The following METTL8 variants were observed in gnomAD, a reference collection of about 807,000 sequenced individuals.
The protein encoded by METTL8 is methyltransferase 8, tRNA N3-cytidine.
A neutral mutation model predicts 48.7 loss-of-function variants in METTL8; 32 were observed. That is an observed-to-expected ratio of 0.66 (90% CI 0.50 to 0.88). The LOEUF (loss-of-function observed/expected upper bound fraction) is 0.88. METTL8 is among the 40% of genes least tolerant of loss of function. The pLI is 0.00. For missense variants in METTL8, 464 were observed against 474.4 expected, an observed-to-expected ratio of 0.98 and a Z score of 0.20; for synonymous variants, 136 against 157.1, an observed-to-expected ratio of 0.87 and a Z score of 1.01.
chr2:171,351,126 GAATT>G lies in METTL8; in HGVS notation c.235+9292_235+9295del, dbSNP rs200288635. Among the ~76,000 whole-genome samples the G allele has an allele frequency of 2.0e-5, 3 of 152,276 alleles. No homozygotes were observed. In the East Asian group the frequency reaches 5.8e-4, roughly 29 times the overall value. ...AACATTTAAGTCTTTAATCCATCTT[GAATT>G]AATTTTTGTATAAGGTATAAGGAAG... is the stretch of plus-strand genomic sequence containing the variant. On this transcript the variant is annotated intron_variant, in intron 3 of 9. Transcript: ENST00000375258.
At chr2:171,426,455 A>G (rs1380284712) in intron 1 of METTL8, among the ~76,000 whole-genome samples, 1 of 152,210 alleles carries the variant, frequency 6.6e-6, no homozygotes. Flanking sequence ...AGTTTTAGGT[A>G]ATATTCTGTT....
intron 1 of METTL8, among the ~76,000 whole-genome samples, chr2:171,399,731 TA>T (rs1320217839): frequency 1.3e-5 from 2 of 152,324 alleles, no homozygotes; most frequent in African/African-American, 4.8e-5. Flanking sequence ...AAATACCTCT[TA>T]ACTGCAAATT....
intron 1 of METTL8, among the ~76,000 whole-genome samples, chr2:171,398,565 G>C (rs1005433848): frequency 6.6e-6 from 1 of 152,072 alleles, no homozygotes; most frequent in African/African-American, 2.4e-5. Flanking sequence ...ACGGGGAGAC[G>C]TAGATCAAAG....
chr2:171,390,803 C>CACAACAAAGAATTTAGACATAATTTAG (rs1308264953), intron 2 of METTL8, among the ~76,000 whole-genome samples: 1 of 151,996 alleles, frequency 6.6e-6, no homozygotes, highest in Non-Finnish European at 1.5e-5. Context: ...CTGTGGAAAT[C>CACAACAAAGAATTTAGACATAATTTAG]ACAACAAAGA....
rs1427227051 is a variant in METTL8, at chr2:171,373,952, T to C, written c.144-13439A>G. Among the ~76,000 whole-genome samples, 3 of 152,240 alleles carry C rather than the reference T, an allele frequency of 2.0e-5. No homozygotes were observed. In the East Asian group the frequency reaches 5.8e-4, roughly 29 times the overall value. On this transcript the variant is annotated intron_variant, in intron 2 of 9. Coordinates refer to ENST00000375258, the MANE Select transcript of METTL8 (RefSeq NM_001321154.2). ...TTGTTCTTTTGGCTTAGGATTGTCT[T>C]GGCAATGCAAGGTCTTTTTTGGTTC...
intron 1 of METTL8, among the ~76,000 whole-genome samples, chr2:171,408,296 G>GTTTTTTTTT (rs373375150): frequency 7.9e-6 from 1 of 127,230 alleles, no homozygotes. Flanking sequence ...CAGTTTTTTT[G>GTTTTTTTTT]TTTTTTTTTT....
At chr2:171,374,115 T>A (rs2105509943) in intron 2 of METTL8, among the ~76,000 whole-genome samples, 1 of 152,360 alleles carries the variant, frequency 6.6e-6, no homozygotes, top group Non-Finnish European at 1.5e-5. Context: ...TCCATGAGCA[T>A]GGAATGTTCT....
chr2:171,330,746 C>T (rs769118529), intron 6 of METTL8, 48 bp from the exon 7 acceptor site: 1 of 1,488,850 alleles, frequency 6.7e-7, no homozygotes, highest in Non-Finnish European at 9.0e-7. Flanking sequence ...TAGTAGACTT[C>T]CGGGATTTTT....
rs146820970 is a variant in METTL8, at chr2:171,414,969, A to T, written c.-13+18914T>A. On this transcript the variant is annotated intron_variant, in intron 1 of 9. Transcript: ENST00000375258. The stretch of plus-strand genomic sequence containing the variant: ...AGGGGAAACCCCTTTCACTTGGCTC[A>T]CATTCTCTCTCTTGCCTGCTGCCAT... Among the ~76,000 whole-genome samples, 116 of 152,232 alleles carry T rather than the reference A, an allele frequency of 7.6e-4. No individual in the cohort carries two copies. In the East Asian group the frequency reaches 0.014, roughly 18 times the overall value.
chr2:171,353,639 G>A (rs191458900), intron 3 of METTL8, among the ~76,000 whole-genome samples: 63 of 152,222 alleles, frequency 4.1e-4, no homozygotes, highest in African/African-American at 1.5e-3. Context: ...TATGAATTTG[G>A]GTGCTCCTGT....
At chr2:171,387,087 T>C (rs1688127681) in intron 2 of METTL8, among the ~76,000 whole-genome samples, 1 of 149,774 alleles carries the variant, frequency 6.7e-6, no homozygotes, top group Non-Finnish European at 1.5e-5. Flanking sequence ...AGTGATCCGA[T>C]TCTTCCCATA....
intron 3 of METTL8, 24 bp downstream of exon 3, chr2:171,360,398 G>T: frequency 6.2e-7 from 1 of 1,602,228 alleles, no homozygotes; most frequent in Non-Finnish European, 8.5e-7. Context: ...CTGGCTCTAG[G>T]AGCTACAGCA....
At position 171,323,071 on chromosome 2, in the gene METTL8, G is replaced by A. The variant is rs1028509093; in HGVS notation, c.*1101C>T. 10 of 152,214 alleles carry A rather than the reference G, an allele frequency of 6.6e-5. No individual in the cohort carries two copies. Among genetic ancestry groups the A allele is most frequent in the Admixed American group, 1.3e-4 (2 of 15,292 alleles). 9.4% of individuals were successfully genotyped at this position (152,214 alleles called of 1,614,324 possible). A position where few individuals can be genotyped will look rare whatever the true frequency, so the allele number is the denominator to read the frequency against. ...GCAAGGTCTGTATGACCTGTATCTT[G>A]TACTGACTTCCTATCTCATCCTGTG... On this transcript the variant is annotated 3_prime_UTR_variant, in exon 10 of 10. Transcript: ENST00000375258.
intron 9 of METTL8, 145 bp from the exon 10 acceptor site, chr2:171,324,507 G>A: frequency 1.4e-6 from 1 of 735,758 alleles, no homozygotes; most frequent in Non-Finnish European, 2.1e-6. Context: ...AAGGAAACCT[G>A]TGAAACCAAG....
chr2:171,402,492 G>T (rs1279799821), intron 1 of METTL8, among the ~76,000 whole-genome samples: 1 of 152,138 alleles, frequency 6.6e-6, no homozygotes, highest in African/African-American at 2.4e-5. Flanking sequence ...GAAAAGGCTA[G>T]AATAATCTAT....
At position 171,321,612 on chromosome 2, in the gene METTL8, T is replaced by C. The variant is rs947916391; in HGVS notation, c.*2560A>G. The C allele has an allele frequency of 2.6e-4, 40 of 152,198 alleles. No individual in the cohort carries two copies. Among genetic ancestry groups the C allele is most frequent in the African/African-American group, 9.4e-4 (39 of 41,452 alleles). The allele number at this position is 152,198 out of a possible 1,614,324, so 9.4% of individuals were successfully genotyped here. ...AGTTGGAACTTAATTATTCCAATGA[T>C]GGTTCTTTCAAGAGAGTATTTATTT... On this transcript the variant is annotated 3_prime_UTR_variant, in exon 10 of 10. Coordinates refer to ENST00000375258, the MANE Select transcript of METTL8 (RefSeq NM_001321154.2).
chr2:171,373,265 G>A lies in METTL8; in HGVS notation c.144-12752C>T, dbSNP rs533715611. On this transcript the variant is annotated intron_variant, in intron 2 of 9. Transcript: ENST00000375258. ...ATGAGCATTTTTTCATGTGTCTGTCGGCTGCATAAATGTCTTCTTTTGAGA... is the reference window on the plus strand; with the variant it reads ...ATGAGCATTTTTTCATGTGTCTGTCAGCTGCATAAATGTCTTCTTTTGAGA... Among the ~76,000 whole-genome samples, 8 of 152,232 alleles carry A rather than the reference G, an allele frequency of 5.3e-5. No individual in the cohort carries two copies. In the East Asian group the frequency reaches 5.8e-4, roughly 11 times the overall value.
In METTL8 at chr2:171,316,458, G is replaced by A. The variant is rs1684268486; in HGVS notation, c.*7714C>T. ...AGAAGCACCTGGAGAGTGAGTTAGGGAGAGAAAGCATGGAAGAAATGTGAG... is the reference window on the plus strand; with the variant it reads ...AGAAGCACCTGGAGAGTGAGTTAGGAAGAGAAAGCATGGAAGAAATGTGAG... On this transcript the variant is annotated 3_prime_UTR_variant, in exon 10 of 10. Coordinates refer to ENST00000375258, the MANE Select transcript of METTL8 (RefSeq NM_001321154.2). Among the ~76,000 whole-genome samples the A allele has an allele frequency of 6.6e-6, 1 of 152,222 alleles. No individual in the cohort carries two copies. The highest frequency in any genetic ancestry group is 1.5e-5 in the Non-Finnish European group (1 of 68,040).
intron 3 of METTL8, among the ~76,000 whole-genome samples, chr2:171,352,975 C>T (rs1360253509): frequency 6.6e-6 from 1 of 152,188 alleles, no homozygotes; most frequent in African/African-American, 2.4e-5. Context: ...TCCTTCAGTT[C>T]TGCTCTGATC....
Sources: gnomAD v4.1 joint callset for allele counts (sites outside exome capture counted in the v4.1 genomes callset) on GRCh38, gnomAD v4.1.1 for gene constraint, MANE v1.5 for transcripts, NCBI Gene and HGNC (gene_info 2026-07-23, HGNC 2026-07-21) for gene names.